ERBB4: variants seen among roughly 807,000 people sequenced by gnomAD.
ERBB4 encodes the protein erb-b2 receptor tyrosine kinase 4.
Under a neutral mutation model 158.0 loss-of-function variants are expected in ERBB4, and 42 were observed. The observed-to-expected ratio is 0.27, with a 90% CI of 0.21 to 0.34. The LOEUF (loss-of-function observed/expected upper bound fraction) is 0.34. ERBB4 is among the 10% of genes least tolerant of loss of function. The probability of loss-of-function intolerance (pLI) is 1.00; values close to 1 mark genes in which losing one functional copy is unlikely to be tolerated. For synonymous variants in ERBB4, 583 were observed against 558.7 expected, an observed-to-expected ratio of 1.04 and a Z score of -0.61; for missense variants, 1,333 against 1,624.1, an observed-to-expected ratio of 0.82 and a Z score of 3.08.
At chr2:211,805,283 AT>A (rs2076589362) in intron 3 of ERBB4, among the ~76,000 whole-genome samples, 1 of 128,062 alleles carries the variant, frequency 7.8e-6, no homozygotes, top group Non-Finnish European at 1.8e-5. Flanking sequence ...TTGGTCTGTG[AT>A]CCTCAAATCC....
chr2:211,762,978 T>A (rs1008127839), intron 4 of ERBB4, among the ~76,000 whole-genome samples: 3 of 152,160 alleles, frequency 2.0e-5, no homozygotes, highest in Non-Finnish European at 4.4e-5. Context: ...AGCTCTCTTA[T>A]CAAATAATTA....
At chr2:212,390,247 T>C (rs2090815208) in intron 1 of ERBB4, among the ~76,000 whole-genome samples, 1 of 151,912 alleles carries the variant, frequency 6.6e-6, no homozygotes, top group African/African-American at 2.4e-5. Context: ...TAAGGATTTG[T>C]ACATTGTACC....
intron 2 of ERBB4, among the ~76,000 whole-genome samples, chr2:211,967,676 A>C (rs1014028398): frequency 1.3e-5 from 2 of 152,056 alleles, no homozygotes; most frequent in Non-Finnish European, 2.9e-5. Flanking sequence ...GAAGATTATA[A>C]TAACCATACA....
chr2:211,794,282 T>A (rs2076336606), intron 3 of ERBB4, among the ~76,000 whole-genome samples: 1 of 151,954 alleles, frequency 6.6e-6, no homozygotes, highest in South Asian at 2.1e-4. Flanking sequence ...ACCACCTAGT[T>A]CTTAGAGTTC....
At chr2:211,956,290 T>A (rs2081029386) in intron 2 of ERBB4, among the ~76,000 whole-genome samples, 1 of 152,138 alleles carries the variant, frequency 6.6e-6, no homozygotes, top group African/African-American at 2.4e-5. Context: ...AACCTTTGAA[T>A]TAAACTTTGT....
intron 25 of ERBB4, among the ~76,000 whole-genome samples, chr2:211,413,467 C>G (rs1006338357): frequency 1.3e-5 from 2 of 151,952 alleles, no homozygotes; most frequent in Non-Finnish European, 2.9e-5. Context: ...AACAAAAACC[C>G]TCAAGCATCA....
chr2:211,626,031 T>C (rs2069829306), intron 17 of ERBB4, among the ~76,000 whole-genome samples: 1 of 152,230 alleles, frequency 6.6e-6, no homozygotes, highest in South Asian at 2.1e-4. Context: ...TGGAGGTTTA[T>C]ATGACAGTGT....
intron 5 of ERBB4, among the ~76,000 whole-genome samples, chr2:211,747,704 T>A (rs1429660265): frequency 6.6e-6 from 1 of 152,038 alleles, no homozygotes; most frequent in African/African-American, 2.4e-5. Flanking sequence ...AAAACCCTAA[T>A]AATCAATGAC....
At chr2:212,044,746 GATACCCTTATAGTTCAGGGAATCTTTT>G in intron 2 of ERBB4, among the ~76,000 whole-genome samples, 1 of 152,194 alleles carries the variant, frequency 6.6e-6, no homozygotes, top group Admixed American at 6.5e-5. Flanking sequence ...TCCTTAAACT[GATACCCTTATAGTTCAGGGAATCTTTT>G]ATGTCCCAAA....
Position 211,379,032 on chromosome 2 carries a change from A to C in ERBB4, c.*4583T>G, listed in dbSNP as rs2062529752. 4.3e-6 allele frequency: 1 copy of C among 231,690 alleles called. No homozygotes were observed. Among genetic ancestry groups the C allele is most frequent in the East Asian group, 6.1e-5 (1 of 16,420 alleles). The allele number at this position is 231,690 out of a possible 1,614,324, so 14.4% of individuals were successfully genotyped here. A position where few individuals can be genotyped will look rare whatever the true frequency, so the allele number is the denominator to read the frequency against. Reference sequence around the variant, plus strand: ...ATGGATTTCTCATTTGCCCTATAACAATCATCATTCTAATAACTAAAGTCC... The same window carrying C: ...ATGGATTTCTCATTTGCCCTATAACCATCATCATTCTAATAACTAAAGTCC... On this transcript the variant is annotated 3_prime_UTR_variant, in exon 28 of 28. Transcript: ENST00000342788.
At chr2:211,624,092 CCTCT>C in intron 17 of ERBB4, 48 bp from the exon 18 acceptor site, 4 of 1,610,782 alleles carry the variant, frequency 2.5e-6, no homozygotes, top group Admixed American at 1.7e-5. Flanking sequence ...GATAGTCAGT[CCTCT>C]CTCTCTGTCT....
chr2:212,120,612 A>C (rs1273077724), intron 2 of ERBB4, among the ~76,000 whole-genome samples: 1 of 152,212 alleles, frequency 6.6e-6, no homozygotes, highest in Non-Finnish European at 1.5e-5. Context: ...AAATAAAACA[A>C]ATGCCAAAGC....
intron 20 of ERBB4, among the ~76,000 whole-genome samples, chr2:211,559,526 T>A (rs2067329680): frequency 6.6e-6 from 1 of 152,218 alleles, no homozygotes; most frequent in Admixed American, 6.5e-5. Flanking sequence ...GATAAGTCTC[T>A]TGATCACCAC....
chr2:211,912,040 G>T (rs1369529428), intron 3 of ERBB4, among the ~76,000 whole-genome samples: 3 of 152,068 alleles, frequency 2.0e-5, no homozygotes, highest in Non-Finnish European at 2.9e-5. Context: ...TTTTTGGGAG[G>T]TTTAATATGT....
At chr2:211,515,912 A>ATATTTTTTTT (rs35696520) in intron 20 of ERBB4, among the ~76,000 whole-genome samples, 4 of 78,976 alleles carry the variant, frequency 5.1e-5, no homozygotes, top group African/African-American at 2.3e-4. Flanking sequence ...ATATATATAT[A>ATATTTTTTTT]TTTTTTTTTT....
chr2:211,756,049 G>C (rs1004579855), intron 4 of ERBB4, among the ~76,000 whole-genome samples: 1 of 152,058 alleles, frequency 6.6e-6, no homozygotes, highest in Non-Finnish European at 1.5e-5. Context: ...TTCAAAATAG[G>C]AAAGTAGAAC....
chr2:212,449,038 TTGTA>T (rs1335035807), intron 1 of ERBB4, among the ~76,000 whole-genome samples: 2 of 152,130 alleles, frequency 1.3e-5, no homozygotes, highest in African/African-American at 4.8e-5. Flanking sequence ...TAAGCACAGA[TTGTA>T]TGTGTGTGTG....
chr2:211,780,473 C>A (rs2076007311), intron 4 of ERBB4, among the ~76,000 whole-genome samples: 1 of 152,168 alleles, frequency 6.6e-6, no homozygotes, highest in Non-Finnish European at 1.5e-5. Context: ...ACAAGAAAAC[C>A]AGGCTAGCAG....
chr2:212,415,422 T>G (rs1227667876), intron 1 of ERBB4, among the ~76,000 whole-genome samples: 2 of 152,142 alleles, frequency 1.3e-5, no homozygotes, highest in African/African-American at 2.4e-5. Flanking sequence ...AGGGCTCTGT[T>G]TGTGTGTGTC....
Sources: gnomAD v4.1 joint callset for allele counts (sites outside exome capture counted in the v4.1 genomes callset) on GRCh38, gnomAD v4.1.1 for gene constraint, MANE v1.5 for transcripts, NCBI Gene and HGNC (gene_info 2026-07-23, HGNC 2026-07-21) for gene names.